The following JPH3 variants were observed in gnomAD, a reference collection of about 807,000 sequenced individuals.
JPH3 encodes junctophilin-3.
In JPH3, 11 loss-of-function variants were observed where a neutral mutation model predicts 59.6. That is an observed-to-expected ratio of 0.18 (90% confidence interval 0.12 to 0.31). The LOEUF is 0.31. Among genes scored for constraint, JPH3 ranks in the 10% least tolerant of loss-of-function variants. The pLI is 1.00. For synonymous variants in JPH3, 673 were observed against 483.6 expected (o/e 1.39, Z -5.14); for missense variants, 1,202 against 1,105.7 (o/e 1.09, Z -1.24).
intron 1 of JPH3, among the ~76,000 whole-genome samples, chr16:87,624,892 C>T (rs4080580): frequency 0.074 from 11,219 of 152,260 alleles, 544 homozygotes; most frequent in Non-Finnish European, 0.11. Context: ...CTCCACCTCT[C>T]GGGTTCAAGG....
intron 1 of JPH3, among the ~76,000 whole-genome samples, chr16:87,631,830 C>A (rs1350527745): frequency 6.6e-6 from 1 of 152,072 alleles, no homozygotes; most frequent in Non-Finnish European, 1.5e-5. Flanking sequence ...CAAAATATTT[C>A]TTTTAGCTAT....
At chr16:87,620,493 G>GAGAGAGAGGGAGAGAA (rs2031144794) in intron 1 of JPH3, among the ~76,000 whole-genome samples, 1 of 66,438 alleles carries the variant, frequency 1.5e-5, no homozygotes, top group Non-Finnish European at 3.6e-5. Context: ...GAGGGAGAGG[G>GAGAGAGAGGGAGAGAA]GGAGGGGAAG....
At chr16:87,637,711 C>T (rs1020541184) in intron 1 of JPH3, among the ~76,000 whole-genome samples, 12 of 152,094 alleles carry the variant, frequency 7.9e-5, no homozygotes, top group Non-Finnish European at 1.8e-4. Flanking sequence ...GAAGGCCATT[C>T]CGCCTCGTGG....
At chr16:87,677,081 C>A (rs2033159317) in intron 2 of JPH3, among the ~76,000 whole-genome samples, 1 of 151,208 alleles carries the variant, frequency 6.6e-6, no homozygotes, top group African/African-American at 2.5e-5. Context: ...ATGGCGTGAA[C>A]CCGGGAGGTG....
intron 1 of JPH3, among the ~76,000 whole-genome samples, chr16:87,614,297 C>T (rs1404765377): frequency 6.6e-6 from 1 of 151,418 alleles, no homozygotes; most frequent in Non-Finnish European, 1.5e-5. Flanking sequence ...AGGAGCTGTG[C>T]GTCCCCTCCA....
intron 1 of JPH3, among the ~76,000 whole-genome samples, chr16:87,630,210 C>A (rs576911822): frequency 6.6e-6 from 1 of 152,320 alleles, no homozygotes; most frequent in South Asian, 2.1e-4. Flanking sequence ...GGGGTCAAGA[C>A]GCACCTGGGT....
chr16:87,639,635 G>T (rs62053784), intron 1 of JPH3, among the ~76,000 whole-genome samples: 16,256 of 127,396 alleles, frequency 0.13, 1,018 homozygotes, highest in Middle Eastern at 0.2. Flanking sequence ...CTCCCTCCTG[G>T]CCTCCCGCCT....
intron 2 of JPH3, among the ~76,000 whole-genome samples, chr16:87,668,184 T>G (rs1170205393): frequency 1.3e-5 from 2 of 152,142 alleles, no homozygotes; most frequent in Non-Finnish European, 2.9e-5. Context: ...CCGCTCCGGG[T>G]CCTCTGGGAA....
chr16:87,641,783 C>T (rs1283153321), intron 1 of JPH3, among the ~76,000 whole-genome samples: 1 of 152,284 alleles, frequency 6.6e-6, no homozygotes, highest in Non-Finnish European at 1.5e-5. Flanking sequence ...CGCCCCTTCT[C>T]TGCCCTGGCT....
intron 2 of JPH3, chr16:87,654,479 G>GT (rs1426957238): frequency 6.6e-6 from 1 of 152,202 alleles, no homozygotes; most frequent in Non-Finnish European, 1.5e-5. Flanking sequence ...CCTCTTTGTG[G>GT]TTAGGTCAGA....
At chr16:87,691,406 C>G (rs1015102329) in intron 4 of JPH3, among the ~76,000 whole-genome samples, 3 of 152,222 alleles carry the variant, frequency 2.0e-5, no homozygotes, top group Admixed American at 6.5e-5. Flanking sequence ...CCAGGCAGTG[C>G]GTGGTGCTGA....
intron 4 of JPH3, 187 bp from the exon 5 acceptor site, chr16:87,696,393 C>T (rs564411366): frequency 5.5e-5 from 33 of 601,362 alleles, no homozygotes; most frequent in East Asian, 4.7e-4. Flanking sequence ...GCTTCTCTCC[C>T]GCGTCTGGAC....
chr16:87,612,742 G>A lies in JPH3; in HGVS notation c.382+9214G>A, dbSNP rs188225623. Among the ~76,000 whole-genome samples, 486 of 152,236 alleles carry A rather than the reference G, an allele frequency of 3.2e-3. 1 individual carries two copies. Among genetic ancestry groups the A allele is most frequent in the African/African-American group, 0.011 (462 of 41,534 alleles). On this transcript the variant is annotated intron_variant, in intron 1 of 4. Transcript: ENST00000284262. The stretch of plus-strand genomic sequence containing the variant: ...CATTAAAATAGACTAGAGGCCGGGC[G>A]TGGTGGCTCATGCCTGTAATCCCAG...
At chr16:87,643,077 C>G (rs553645257) in intron 1 of JPH3, among the ~76,000 whole-genome samples, 10 of 152,198 alleles carry the variant, frequency 6.6e-5, no homozygotes, top group Non-Finnish European at 1.5e-4. Context: ...CCTGCACCCA[C>G]CGCGCTTTCT....
At chr16:87,684,057 T>C (rs1351877981) in intron 2 of JPH3, 85 bp from the exon 3 acceptor site, 2 of 962,570 alleles carry the variant, frequency 2.1e-6, no homozygotes, top group East Asian at 2.5e-5. Flanking sequence ...CAGCCCGTTG[T>C]TGGGGGGTTG....
intron 2 of JPH3, among the ~76,000 whole-genome samples, chr16:87,661,938 T>C (rs4843663): frequency 0.19 from 29,008 of 152,246 alleles, 3,162 homozygotes; most frequent in South Asian, 0.38. Context: ...ACGCCACCAC[T>C]ACTCCTGAGT....
chr16:87,663,266 T>C (rs1346776908), intron 2 of JPH3, among the ~76,000 whole-genome samples: 1 of 152,086 alleles, frequency 6.6e-6, no homozygotes. Flanking sequence ...GTGCCACGTG[T>C]CCAGCTAATT....
chr16:87,692,003 G>C (rs1043306904), intron 4 of JPH3, among the ~76,000 whole-genome samples: 17 of 152,284 alleles, frequency 1.1e-4, no homozygotes, highest in African/African-American at 3.9e-4. Flanking sequence ...GGGGACAAGT[G>C]CCAAGCTGGC....
In JPH3 at chr16:87,644,488, G is replaced by C. The variant is rs766577111; in HGVS notation, c.613G>C (p.Glu205Gln). 12 of 1,612,790 alleles carry C rather than the reference G, an allele frequency of 7.4e-6. No homozygotes were observed. Among genetic ancestry groups the C allele is most frequent in the Non-Finnish European group, 1.0e-5 (12 of 1,179,852 alleles). ...CGTGCTCGTGGCCCACAGTGACTCC[G>C]AGATCCTCAAGAGCAAGAAGAAGGG... ...GFVLVAHSDS[E>Q]ILKSKKKGLF... Residue 205 changes from glutamate to glutamine, a missense_variant, in exon 2 of 5, where the codon GAG becomes CAG. By Grantham distance (29) the Glu-to-Gln change is conservative (BLOSUM62 2). Transcript: ENST00000284262.
Sources: allele counts gnomAD v4.1 joint callset (sites outside exome capture counted in the v4.1 genomes callset), GRCh38; gene constraint gnomAD v4.1.1; transcripts MANE v1.5; gene names NCBI Gene and HGNC (gene_info 2026-07-23, HGNC 2026-07-21).